ST6GALNAC3: variants seen among roughly 807,000 people sequenced by gnomAD.
ST6GALNAC3 encodes the protein ST6 N-acetylgalactosaminide alpha-2,6-sialyltransferase 3, also known as alpha-N-acetylgalactosaminide alpha-2,6-sialyltransferase 3.
A neutral mutation model predicts 32.7 loss-of-function variants in ST6GALNAC3; 25 were observed. The ratio of observed to expected loss-of-function variants is 0.76; its 90% CI spans 0.56 to 1.07. The LOEUF is 1.07. Among genes scored for constraint, ST6GALNAC3 ranks in the 50% least tolerant of loss-of-function variants. ST6GALNAC3 has a pLI of 0.00. For missense variants in ST6GALNAC3, 355 were observed against 382.4 expected (o/e 0.93, Z 0.60); for synonymous variants, 129 against 133.1 (o/e 0.97, Z 0.21).
intron 3 of ST6GALNAC3, among the ~76,000 whole-genome samples, chr1:76,569,310 T>G (rs564478566): frequency 4.2e-4 from 64 of 151,716 alleles, no homozygotes; most frequent in Admixed American, 3.9e-4. Context: ...GGAGAAAACA[T>G]TCCAGTCTGA....
chr1:76,518,491 A>AT (rs1662309048), intron 3 of ST6GALNAC3, among the ~76,000 whole-genome samples: 2 of 151,472 alleles, frequency 1.3e-5, no homozygotes, highest in South Asian at 4.2e-4. Context: ...TTATTAGGGT[A>AT]TTTTTTCTTC....
chr1:76,129,579 G>A (rs1427213169), intron 1 of ST6GALNAC3, among the ~76,000 whole-genome samples: 1 of 152,088 alleles, frequency 6.6e-6, no homozygotes, highest in African/African-American at 2.4e-5. Context: ...CCACTGTTCT[G>A]TGGCTCTCTT....
chr1:76,283,818 C>A lies in ST6GALNAC3; in HGVS notation c.19-29987C>A, dbSNP rs745327207. Among the ~76,000 whole-genome samples the A allele has an allele frequency of 4.6e-5, 7 of 152,174 alleles. 1 individual carries two copies. The highest frequency in any genetic ancestry group is 4.1e-4 in the South Asian group (2 of 4,832). ...TTTTATTTGTGCCCCTCAAGTTGAA[C>A]CTCTCTGAATGAGTGTGATCATATA... is the stretch of plus-strand genomic sequence containing the variant. On this transcript the variant is annotated intron_variant, in intron 1 of 4. Transcript: ENST00000328299.
chr1:76,341,637 CTT>C (rs1230079404), intron 2 of ST6GALNAC3, among the ~76,000 whole-genome samples: 2 of 137,260 alleles, frequency 1.5e-5, no homozygotes, highest in African/African-American at 5.8e-5. Context: ...TTCTTTCTTT[CTT>C]TCTTTCTTTC....
chr1:76,450,037 G>A (rs1003316165), intron 3 of ST6GALNAC3, among the ~76,000 whole-genome samples: 3 of 152,178 alleles, frequency 2.0e-5, no homozygotes, highest in Non-Finnish European at 2.9e-5. Flanking sequence ...TTATAAACAT[G>A]CATATGCAAG....
At chr1:76,434,290 T>G (rs17098975) in intron 3 of ST6GALNAC3, among the ~76,000 whole-genome samples, 6,706 of 152,274 alleles carry the variant, frequency 0.044, 524 homozygotes, top group African/African-American at 0.15. Flanking sequence ...AATGGAGTGT[T>G]TAAATTCACA....
rs368869108 is a variant in ST6GALNAC3, at chr1:76,365,670, A to G, written c.214-46338A>G. ...AAAATTAAGATCTTTTCTAAGATGA[A>G]TTTACAAGGGCTTTGAGTGTGTATG... is the stretch of plus-strand genomic sequence containing the variant. On this transcript the variant is annotated intron_variant, in intron 2 of 4. Transcript: ENST00000328299. Among the ~76,000 whole-genome samples, 22 of 152,294 alleles carry G rather than the reference A, an allele frequency of 1.4e-4. 1 individual carries two copies. Among genetic ancestry groups the G allele is most frequent in the African/African-American group, 5.3e-4 (22 of 41,566 alleles).
chr1:76,286,507 A>G (rs1414057268), intron 1 of ST6GALNAC3, among the ~76,000 whole-genome samples: 2 of 152,336 alleles, frequency 1.3e-5, no homozygotes, highest in East Asian at 3.9e-4. Context: ...GCTAGAGAGT[A>G]GGCCTCCTCC....
chr1:76,193,668 C>T (rs1181489914), intron 1 of ST6GALNAC3, among the ~76,000 whole-genome samples: 9 of 152,144 alleles, frequency 5.9e-5, no homozygotes, highest in Non-Finnish European at 1.3e-4. Flanking sequence ...AACTGTGTTA[C>T]TCATCCTATC....
chr1:76,114,647 A>T (rs922643275), intron 1 of ST6GALNAC3, among the ~76,000 whole-genome samples: 3 of 152,164 alleles, frequency 2.0e-5, no homozygotes, highest in Admixed American at 6.5e-5. Flanking sequence ...GATGTATATA[A>T]ATGGTAGGTT....
intron 3 of ST6GALNAC3, among the ~76,000 whole-genome samples, chr1:76,508,783 CG>C (rs149435002): frequency 0.032 from 4,906 of 152,156 alleles, 265 homozygotes; most frequent in African/African-American, 0.11. Context: ...TTACAGCTAC[CG>C]GAACACACTG....
chr1:76,381,168 T>TAAAAAAAAAAAA (rs71852050), intron 2 of ST6GALNAC3, among the ~76,000 whole-genome samples: 1 of 90,284 alleles, frequency 1.1e-5, no homozygotes, highest in Non-Finnish European at 2.4e-5. Flanking sequence ...TTTGGGCTGC[T>TAAAAAAAAAAAA]AAAAAAAAAA....
At chr1:76,123,947 C>T (rs950487337) in intron 1 of ST6GALNAC3, among the ~76,000 whole-genome samples, 3 of 151,886 alleles carry the variant, frequency 2.0e-5, no homozygotes, top group African/African-American at 7.3e-5. Context: ...GATAGGTTTT[C>T]ACCATGCTGG....
chr1:76,614,148 C>T (rs552338017), intron 3 of ST6GALNAC3, among the ~76,000 whole-genome samples: 2 of 152,228 alleles, frequency 1.3e-5, no homozygotes, highest in East Asian at 1.9e-4. Flanking sequence ...TAGTTGACTT[C>T]GATAGATGGG....
chr1:76,217,579 C>G (rs1201101494), intron 1 of ST6GALNAC3, among the ~76,000 whole-genome samples: 1 of 152,116 alleles, frequency 6.6e-6, no homozygotes, highest in Non-Finnish European at 1.5e-5. Flanking sequence ...TGAATATCTT[C>G]TTTAGTAGTG....
rs559713877 is a variant in ST6GALNAC3, at chr1:76,451,139, C to T, written c.623+38722C>T. Reference sequence around the variant, plus strand: ...CATTGAATTTGCAGATTGCTTTTAGCGGTATGGTCATTTTCACAATATTGA... The same window carrying T: ...CATTGAATTTGCAGATTGCTTTTAGTGGTATGGTCATTTTCACAATATTGA... On this transcript the variant is annotated intron_variant, in intron 3 of 4. Transcript: ENST00000328299. Among the ~76,000 whole-genome samples, 9 of 152,210 alleles carry T rather than the reference C, an allele frequency of 5.9e-5. No homozygotes were observed. The East Asian group carries it at 1.5e-3, about 26-fold the overall frequency.
intron 3 of ST6GALNAC3, among the ~76,000 whole-genome samples, chr1:76,468,715 G>T (rs557110921): frequency 6.6e-6 from 1 of 152,036 alleles, no homozygotes; most frequent in African/African-American, 2.4e-5. Flanking sequence ...TGAGGCTAAG[G>T]GACTAAGGGA....
At chr1:76,184,990 C>T (rs1201486640) in intron 1 of ST6GALNAC3, among the ~76,000 whole-genome samples, 1 of 152,122 alleles carries the variant, frequency 6.6e-6, no homozygotes, top group Non-Finnish European at 1.5e-5. Context: ...AACGAAGTGC[C>T]CTTCTCTGTC....
At chr1:76,573,011 G>A (rs2100503142) in intron 3 of ST6GALNAC3, among the ~76,000 whole-genome samples, 1 of 152,224 alleles carries the variant, frequency 6.6e-6, no homozygotes, top group East Asian at 1.9e-4. Flanking sequence ...TAAAAGTTTT[G>A]TAGAAGTAGA....
Sources: allele counts gnomAD v4.1 joint callset (sites outside exome capture counted in the v4.1 genomes callset), GRCh38; gene constraint gnomAD v4.1.1; transcripts MANE v1.5; gene names NCBI Gene and HGNC (gene_info 2026-07-23, HGNC 2026-07-21).